The following ULK2 variants were observed in gnomAD, a reference collection of about 807,000 sequenced individuals.
ULK2 encodes unc-51 like autophagy activating kinase 2, also known as serine/threonine-protein kinase ULK2.
ULK2 carries 76 observed loss-of-function variants against 127.5 expected under a neutral mutation model. The ratio of observed to expected loss-of-function variants is 0.60; its 90% CI spans 0.50 to 0.72. The LOEUF (loss-of-function observed/expected upper bound fraction) is 0.72. ULK2 is among the 30% of genes least tolerant of loss of function. The pLI is 0.00. For missense variants in ULK2, 1,144 were observed against 1,295.9 expected (o/e 0.88, Z 1.80); for synonymous variants, 452 against 461.9 (o/e 0.98, Z 0.28).
chr17:19,802,437 AGATTATG>A (rs2087420680), intron 15 of ULK2, among the ~76,000 whole-genome samples: 1 of 152,228 alleles, frequency 6.6e-6, no homozygotes, highest in South Asian at 2.1e-4. Context: ...ATGTAATATA[AGATTATG>A]AAAAATAAGC....
chr17:19,851,159 C>CA (rs758540102), intron 3 of ULK2, among the ~76,000 whole-genome samples: 328 of 104,956 alleles, frequency 3.1e-3, no homozygotes, highest in African/African-American at 5.3e-3. Flanking sequence ...ATAAAAATAC[C>CA]AAAAAAAAAA....
At chr17:19,803,786 A>G (rs1183597627) in intron 15 of ULK2, among the ~76,000 whole-genome samples, 4 of 152,220 alleles carry the variant, frequency 2.6e-5, no homozygotes, top group South Asian at 2.1e-4. Context: ...ACAGTTAACA[A>G]CTTTGTGTAA....
intron 12 of ULK2, among the ~76,000 whole-genome samples, chr17:19,820,975 GAACATCACACAA>G (rs1303651553): frequency 6.6e-6 from 1 of 152,210 alleles, no homozygotes; most frequent in East Asian, 1.9e-4. Context: ...GTATAAACCA[GAACATCACACAA>G]AGTAGGTATT....
rs117346607 is a variant in ULK2, at chr17:19,859,527, A to T, written c.225+5276T>A. Among the ~76,000 whole-genome samples the T allele has an allele frequency of 2.5e-3, 378 of 152,350 alleles. 15 individuals are homozygous for T. In the East Asian group the frequency reaches 0.061, roughly 24 times the overall value. On this transcript the variant is annotated intron_variant, in intron 3 of 26. Transcript: ENST00000395544. The stretch of plus-strand genomic sequence containing the variant: ...AAGAATTGGTATAATCTTTTAAAAG[A>T]TAGCTAATATCTTTGACCAAGCAAT...
At chr17:19,795,056 G>A (rs2152384966) in intron 20 of ULK2, among the ~76,000 whole-genome samples, 1 of 152,056 alleles carries the variant, frequency 6.6e-6, no homozygotes, top group African/African-American at 2.4e-5. Flanking sequence ...TCCAACCTGG[G>A]CGACTGAGCG....
At chr17:19,859,306 A>G (rs2042195486) in intron 3 of ULK2, among the ~76,000 whole-genome samples, 1 of 150,308 alleles carries the variant, frequency 6.7e-6, no homozygotes, top group Non-Finnish European at 1.5e-5. Flanking sequence ...CTGAGGTCAG[A>G]AGTTCAAGAC....
At chr17:19,804,544 T>C in intron 15 of ULK2, 149 bp downstream of exon 15, 1 of 715,920 alleles carries the variant, frequency 1.4e-6, no homozygotes, top group South Asian at 4.0e-5. Flanking sequence ...ATTCATCAAT[T>C]ATAAAACTTT....
intron 3 of ULK2, among the ~76,000 whole-genome samples, chr17:19,852,102 G>A (rs560415885): frequency 2.5e-4 from 38 of 150,794 alleles, no homozygotes; most frequent in African/African-American, 8.8e-4. Context: ...GCACGCACCT[G>A]TAGTCCCAGC....
chr17:19,812,413 T>C (rs1459566651), intron 13 of ULK2, among the ~76,000 whole-genome samples: 1 of 152,224 alleles, frequency 6.6e-6, no homozygotes, highest in South Asian at 2.1e-4. Context: ...AAACCCATTG[T>C]AGGCTGAAAT....
chr17:19,849,289 G>A, intron 5 of ULK2, 80 bp downstream of exon 5: 1 of 1,231,532 alleles, frequency 8.1e-7, no homozygotes, highest in Middle Eastern at 1.9e-4. Context: ...AAAATGGGTA[G>A]TGTATTTCAC....
chr17:19,864,604 C>T (rs1197429614), intron 3 of ULK2, among the ~76,000 whole-genome samples, 199 bp downstream of exon 3: 1 of 152,072 alleles, frequency 6.6e-6, no homozygotes, highest in Non-Finnish European at 1.5e-5. Context: ...TGTTAATAAA[C>T]TTACTCATGC....
chr17:19,788,923 G>C (rs1189443238), intron 20 of ULK2, among the ~76,000 whole-genome samples: 1 of 152,198 alleles, frequency 6.6e-6, no homozygotes, highest in Non-Finnish European at 1.5e-5. Flanking sequence ...AGCTGCAGTA[G>C]GATACAATAC....
At chr17:19,785,880 C>G in intron 21 of ULK2, 57 bp downstream of exon 21, 35 of 1,567,212 alleles carry the variant, frequency 2.2e-5, no homozygotes, top group Non-Finnish European at 3.0e-5. Flanking sequence ...AGTCATTTGT[C>G]AAAACACTAC....
rs923959269 is a variant in ULK2, at chr17:19,771,433, T to C, written c.*4916A>G. On this transcript the variant is annotated 3_prime_UTR_variant, in exon 27 of 27. Coordinates refer to ENST00000395544, the MANE Select transcript of ULK2 (RefSeq NM_014683.4). ...CAACTTCTATGCAAGAACTGTGTCC[T>C]TTCAGAAGCTCCAGCCAGAGCGTAC... 2.6e-5 allele frequency: 4 copies of C among 152,208 alleles called. No individual in the cohort carries two copies. Among genetic ancestry groups the C allele is most frequent in the African/African-American group, 9.7e-5 (4 of 41,440 alleles). 9.4% of individuals were successfully genotyped at this position (152,208 alleles called of 1,614,324 possible). A position where few individuals can be genotyped will look rare whatever the true frequency, so the allele number is the denominator to read the frequency against.
intron 10 of ULK2, among the ~76,000 whole-genome samples, chr17:19,834,774 G>T (rs187926629): frequency 2.1e-3 from 316 of 152,046 alleles, no homozygotes; most frequent in Non-Finnish European, 3.6e-3. Flanking sequence ...GCTGGGCATG[G>T]TGGTGTGCAC....
intron 20 of ULK2, among the ~76,000 whole-genome samples, chr17:19,792,014 A>G (rs2087166737): frequency 6.6e-6 from 1 of 152,072 alleles, no homozygotes; most frequent in Non-Finnish European, 1.5e-5. Context: ...GAAATTGAAA[A>G]ATTTCTTGAA....
chr17:19,842,829 C>G (rs1303006857), intron 8 of ULK2, among the ~76,000 whole-genome samples: 1 of 152,132 alleles, frequency 6.6e-6, no homozygotes, highest in Non-Finnish European at 1.5e-5. Flanking sequence ...ACCAGGCTAA[C>G]TAGGAAGCTC....
At chr17:19,855,286 C>G (rs1336177273) in intron 3 of ULK2, among the ~76,000 whole-genome samples, 2 of 151,906 alleles carry the variant, frequency 1.3e-5, no homozygotes, top group African/African-American at 4.8e-5. Context: ...CGCCTGTAGT[C>G]CCAGCTACGC....
intron 7 of ULK2, among the ~76,000 whole-genome samples, chr17:19,844,735 A>G (rs1471983044): frequency 2.0e-5 from 3 of 152,190 alleles, no homozygotes; most frequent in South Asian, 2.1e-4. Flanking sequence ...TTTATTTTAC[A>G]TAATTCTGAA....
Sources: gnomAD v4.1 joint callset for allele counts (sites outside exome capture counted in the v4.1 genomes callset) on GRCh38, gnomAD v4.1.1 for gene constraint, MANE v1.5 for transcripts, NCBI Gene and HGNC (gene_info 2026-07-23, HGNC 2026-07-21) for gene names.